The following SORCS1 variants were observed in gnomAD, a reference collection of about 807,000 sequenced individuals.
SORCS1 encodes the protein VPS10 domain-containing receptor SorCS1.
Under a neutral mutation model 146.1 loss-of-function variants are expected in SORCS1, and 60 were observed. That is an observed-to-expected ratio of 0.41 (90% CI 0.33 to 0.51). The LOEUF (loss-of-function observed/expected upper bound fraction) is 0.51, where lower values mean the gene tolerates loss of function less well. SORCS1 is among the 20% of genes least tolerant of loss of function. The pLI, the probability that SORCS1 is intolerant of heterozygous loss-of-function variation, is 0.21. For missense variants in SORCS1, 1,352 were observed against 1,487.6 expected, an observed-to-expected ratio of 0.91 and a Z score of 1.50; for synonymous variants, 637 against 584.0, an observed-to-expected ratio of 1.09 and a Z score of -1.31.
intron 1 of SORCS1, among the ~76,000 whole-genome samples, chr10:107,116,113 G>T (rs949518573): frequency 2.0e-5 from 3 of 149,978 alleles, no homozygotes; most frequent in African/African-American, 7.5e-5. Flanking sequence ...AAGACAAAAG[G>T]TAATTATTGG....
At chr10:106,705,447 T>C (rs899013721) in intron 8 of SORCS1, among the ~76,000 whole-genome samples, 11 of 152,150 alleles carry the variant, frequency 7.2e-5, no homozygotes, top group Non-Finnish European at 1.3e-4. Context: ...GTCTATTATA[T>C]GACTTCCTGG....
intron 1 of SORCS1, among the ~76,000 whole-genome samples, chr10:107,092,597 C>G (rs1468516358): frequency 2.0e-5 from 3 of 152,096 alleles, no homozygotes; most frequent in Non-Finnish European, 1.5e-5. Flanking sequence ...TACTGAGCTC[C>G]CATTCAGGAA....
chr10:107,099,505 A>G (rs927388530), intron 1 of SORCS1, among the ~76,000 whole-genome samples: 10 of 152,188 alleles, frequency 6.6e-5, no homozygotes, highest in African/African-American at 2.2e-4. Flanking sequence ...ATTAAGTCAA[A>G]TTAAAATTAA....
intron 4 of SORCS1, among the ~76,000 whole-genome samples, chr10:106,772,091 T>A (rs946399777): frequency 1.1e-4 from 16 of 152,230 alleles, no homozygotes; most frequent in African/African-American, 3.4e-4. Flanking sequence ...AGGGTTTTTT[T>A]AGAAGACATT....
intron 2 of SORCS1, among the ~76,000 whole-genome samples, chr10:106,868,922 A>G (rs1950312296): frequency 6.6e-6 from 1 of 152,172 alleles, no homozygotes; most frequent in Admixed American, 6.5e-5. Context: ...TGAAAACATT[A>G]GTAAGACAGA....
At chr10:106,730,229 A>G in intron 5 of SORCS1, 115 bp from the exon 6 acceptor site, 1 of 827,796 alleles carries the variant, frequency 1.2e-6, no homozygotes, top group Non-Finnish European at 2.0e-6. Flanking sequence ...TAAACCCACA[A>G]TCCTTAGAAT....
chr10:106,933,267 T>C (rs796663333), intron 2 of SORCS1, among the ~76,000 whole-genome samples: 1 of 152,162 alleles, frequency 6.6e-6, no homozygotes. Flanking sequence ...CAGATTAAAA[T>C]CACCTGGGTA....
chr10:107,041,565 T>C (rs1262942398), intron 1 of SORCS1, among the ~76,000 whole-genome samples: 2 of 152,174 alleles, frequency 1.3e-5, no homozygotes, highest in Non-Finnish European at 2.9e-5. Context: ...ACATGTGATT[T>C]TTAATTTGCA....
chr10:106,991,268 T>C (rs1260773797), intron 1 of SORCS1, among the ~76,000 whole-genome samples: 1 of 152,236 alleles, frequency 6.6e-6, no homozygotes, highest in Non-Finnish European at 1.5e-5. Flanking sequence ...GCTTTCATGT[T>C]TTCTGGTTGC....
chr10:107,170,400 T>A, the SORCS1 span, among the ~76,000 whole-genome samples: 1 of 152,154 alleles, frequency 6.6e-6, no homozygotes, highest in Non-Finnish European at 1.5e-5. Flanking sequence ...AGAAACAAAA[T>A]GCTACCTCAA....
chr10:106,934,935 G>A (rs935270691), intron 2 of SORCS1, among the ~76,000 whole-genome samples: 15 of 152,070 alleles, frequency 9.9e-5, no homozygotes, highest in Non-Finnish European at 2.1e-4. Flanking sequence ...AAGGGGAAGT[G>A]AGGAATAAAA....
chr10:107,121,836 T>C (rs937385022), intron 1 of SORCS1, among the ~76,000 whole-genome samples: 1 of 152,204 alleles, frequency 6.6e-6, no homozygotes, highest in Admixed American at 6.5e-5. Context: ...ACAAGGACTG[T>C]CTGTGGTTTG....
chr10:106,989,981 C>T (rs548569459), intron 1 of SORCS1, among the ~76,000 whole-genome samples: 3 of 152,038 alleles, frequency 2.0e-5, no homozygotes, highest in African/African-American at 7.2e-5. Flanking sequence ...CCACCACACC[C>T]GGCCTACCCA....
At chr10:106,894,245 G>A (rs1951363895) in intron 2 of SORCS1, among the ~76,000 whole-genome samples, 1 of 148,462 alleles carries the variant, frequency 6.7e-6, no homozygotes, top group Admixed American at 6.7e-5. Flanking sequence ...GCATGTGTGT[G>A]TGTGTGTGCG....
intron 8 of SORCS1, among the ~76,000 whole-genome samples, chr10:106,704,588 G>T: frequency 6.6e-6 from 1 of 152,176 alleles, no homozygotes; most frequent in East Asian, 1.9e-4. Context: ...TACTCGGGAG[G>T]CTGAGGCAGG....
intron 5 of SORCS1, among the ~76,000 whole-genome samples, chr10:106,746,537 C>T (rs1173133315): frequency 6.6e-6 from 1 of 152,174 alleles, no homozygotes; most frequent in Non-Finnish European, 1.5e-5. Flanking sequence ...CTTCAGCTGT[C>T]TTATATTTAT....
intron 3 of SORCS1, among the ~76,000 whole-genome samples, chr10:106,806,635 C>G (rs1947200202): frequency 1.3e-5 from 2 of 149,406 alleles, no homozygotes; most frequent in South Asian, 4.3e-4. Context: ...CCTGCCTCAG[C>G]CTCCCGAGTA....
At chr10:106,954,199 T>C (rs954760355) in intron 2 of SORCS1, among the ~76,000 whole-genome samples, 1 of 152,208 alleles carries the variant, frequency 6.6e-6, no homozygotes, top group Non-Finnish European at 1.5e-5. Flanking sequence ...TAAGCCTCTG[T>C]CCCAGTGAGA....
Position 107,044,738 on chromosome 10 carries a change from G to A in SORCS1, c.559-88158C>T, listed in dbSNP as rs111559870. 1.5e-3 allele frequency among the ~76,000 whole-genome samples: 223 copies of A among 149,280 alleles called. 2 individuals carry two copies. Among genetic ancestry groups the A allele is most frequent in the Middle Eastern group, 6.9e-3 (2 of 288 alleles). Reference sequence around the variant, plus strand: ...CTCTGGAGGCTGAGGCAGGAGAATCGCTTGAGTAGGTTGCAGTGAGCCAAG... The same window carrying A: ...CTCTGGAGGCTGAGGCAGGAGAATCACTTGAGTAGGTTGCAGTGAGCCAAG... On this transcript the variant is annotated intron_variant, in intron 1 of 25. Transcript: ENST00000263054.
Sources: allele counts gnomAD v4.1 joint callset (sites outside exome capture counted in the v4.1 genomes callset), GRCh38; gene constraint gnomAD v4.1.1; transcripts MANE v1.5; gene names NCBI Gene and HGNC (gene_info 2026-07-23, HGNC 2026-07-21).